The following KHDRBS2 variants were observed in gnomAD, a reference collection of about 807,000 sequenced individuals.
KHDRBS2 encodes KH RNA binding domain containing, signal transduction associated 2, also known as KH domain-containing, RNA-binding, signal transduction-associated protein 2.
Under a neutral mutation model 44.3 loss-of-function variants are expected in KHDRBS2, and 26 were observed. The observed-to-expected ratio is 0.59, with a 90% CI of 0.43 to 0.81. The LOEUF (loss-of-function observed/expected upper bound fraction) is 0.81. Among genes scored for constraint, KHDRBS2 ranks in the 40% least tolerant of loss-of-function variants. The probability of loss-of-function intolerance (pLI) is 0.00; values close to 1 mark genes in which losing one functional copy is unlikely to be tolerated. For missense variants in KHDRBS2, 476 were observed against 433.1 expected (o/e 1.10, Z -0.88); for synonymous variants, 194 against 151.1 (o/e 1.28, Z -2.08).
chr6:61,866,074 C>T (rs1192126896), intron 6 of KHDRBS2, among the ~76,000 whole-genome samples: 1 of 152,152 alleles, frequency 6.6e-6, no homozygotes, highest in African/African-American at 2.4e-5. Flanking sequence ...GATGGTGGCC[C>T]TCTTCTCACA....
chr6:62,233,770 A>G (rs1416841224), intron 1 of KHDRBS2, among the ~76,000 whole-genome samples: 3 of 152,098 alleles, frequency 2.0e-5, no homozygotes, highest in South Asian at 2.1e-4. Flanking sequence ...TTAGTTTTCT[A>G]GGCATAATGG....
chr6:62,213,639 C>T (rs180721090), intron 1 of KHDRBS2, among the ~76,000 whole-genome samples: 1 of 151,852 alleles, frequency 6.6e-6, no homozygotes, highest in East Asian at 2.0e-4. Flanking sequence ...GAATGGGAGG[C>T]TGAGACGGTC....
At position 61,680,085 on chromosome 6, in the gene KHDRBS2, TA is replaced by T. The variant is rs1433773393; in HGVS notation, c.*877del. The stretch of plus-strand genomic sequence containing the variant: ...TAACTTTTAAATTATTTAACAACCA[TA>T]AGTTATTAATACATTTTTAAGTATT... On this transcript the variant is annotated 3_prime_UTR_variant, in exon 9 of 9. Coordinates refer to ENST00000281156, the MANE Select transcript of KHDRBS2 (RefSeq NM_152688.4). The T allele has an allele frequency of 6.6e-6, 1 of 152,334 alleles. No homozygotes were observed. The highest frequency in any genetic ancestry group is 1.5e-5 in the Non-Finnish European group (1 of 67,926). The allele number at this position is 152,334 out of a possible 1,614,324, so 9.4% of individuals were successfully genotyped here.
chr6:61,958,507 C>G (rs913793536), intron 4 of KHDRBS2, among the ~76,000 whole-genome samples: 20 of 152,110 alleles, frequency 1.3e-4, no homozygotes, highest in African/African-American at 4.1e-4. Flanking sequence ...ACAAACTATT[C>G]ATTGATATAA....
At chr6:62,124,034 G>A (rs1808359996) in intron 2 of KHDRBS2, among the ~76,000 whole-genome samples, 1 of 152,018 alleles carries the variant, frequency 6.6e-6, no homozygotes, top group African/African-American at 2.4e-5. Flanking sequence ...AAACTGCTTT[G>A]GCAAAGGTTA....
intron 2 of KHDRBS2, among the ~76,000 whole-genome samples, chr6:62,094,697 T>C (rs1800199544): frequency 2.6e-5 from 4 of 151,958 alleles, no homozygotes. Context: ...TTTCAGTTCT[T>C]ATATTTAAGT....
chr6:62,056,881 G>A (rs1249174386), intron 2 of KHDRBS2, among the ~76,000 whole-genome samples: 31 of 151,888 alleles, frequency 2.0e-4, no homozygotes, highest in Admixed American at 2.0e-3. Flanking sequence ...TCTATTCTCT[G>A]CCTTGATTCT....
the KHDRBS2 span, among the ~76,000 whole-genome samples, chr6:61,543,218 C>A: frequency 1.3e-5 from 2 of 151,866 alleles, no homozygotes; most frequent in Non-Finnish European, 2.9e-5. Context: ...ATCCATCTGA[C>A]AAGGGACTAA....
At chr6:61,817,782 CT>C (rs1789218878) in intron 6 of KHDRBS2, among the ~76,000 whole-genome samples, 1 of 152,062 alleles carries the variant, frequency 6.6e-6, no homozygotes, top group South Asian at 2.1e-4. Context: ...ATAGCTTCCA[CT>C]TAATGAAGCT....
At chr6:61,643,245 T>G in the KHDRBS2 span, among the ~76,000 whole-genome samples, 2 of 152,184 alleles carry the variant, frequency 1.3e-5, no homozygotes, top group Non-Finnish European at 2.9e-5. Flanking sequence ...GGAAATTTTT[T>G]ATGATAAAAT....
At chr6:62,132,209 G>T (rs1341949627) in intron 2 of KHDRBS2, among the ~76,000 whole-genome samples, 1 of 152,122 alleles carries the variant, frequency 6.6e-6, no homozygotes, top group Non-Finnish European at 1.5e-5. Flanking sequence ...ACATGGAAGA[G>T]TATATTTAAA....
At chr6:61,931,871 C>T (rs534650690) in intron 4 of KHDRBS2, among the ~76,000 whole-genome samples, 3 of 152,250 alleles carry the variant, frequency 2.0e-5, no homozygotes, top group Admixed American at 6.5e-5. Flanking sequence ...TTTCCTCCTC[C>T]TCCTCCTCCT....
chr6:61,727,458 C>A (rs751688736), intron 7 of KHDRBS2, among the ~76,000 whole-genome samples: 36 of 152,180 alleles, frequency 2.4e-4, no homozygotes, highest in Middle Eastern at 3.4e-3. Context: ...TTCTTCTGCA[C>A]AGCAAAATAA....
At chr6:62,106,162 T>A (rs1472637900) in intron 2 of KHDRBS2, among the ~76,000 whole-genome samples, 1 of 152,186 alleles carries the variant, frequency 6.6e-6, no homozygotes, top group Non-Finnish European at 1.5e-5. Context: ...ATAATTTCTG[T>A]TCTTTTACAT....
At chr6:61,869,558 G>A (rs1798290209) in intron 6 of KHDRBS2, among the ~76,000 whole-genome samples, 2 of 152,126 alleles carry the variant, frequency 1.3e-5, no homozygotes, top group African/African-American at 4.8e-5. Context: ...AGAAAATAGA[G>A]AACAGATTGC....
intron 3 of KHDRBS2, among the ~76,000 whole-genome samples, chr6:62,046,769 G>T (rs897347956): frequency 6.6e-6 from 1 of 151,820 alleles, no homozygotes; most frequent in Non-Finnish European, 1.5e-5. Context: ...CTAGAGGCAG[G>T]AGGATTGGCA....
At chr6:61,841,501 T>A (rs1793603064) in intron 6 of KHDRBS2, among the ~76,000 whole-genome samples, 1 of 152,214 alleles carries the variant, frequency 6.6e-6, no homozygotes, top group South Asian at 2.1e-4. Flanking sequence ...TTTACAAAGA[T>A]TAAAGTTACT....
chr6:62,249,442 A>G lies in KHDRBS2; in HGVS notation c.91+36416T>C, dbSNP rs147981242. ...AATTATTGAACACTAAAGGATATTC[A>G]TCATAAATCACATATATTAATGTAC... is the stretch of plus-strand genomic sequence containing the variant. On this transcript the variant is annotated intron_variant, in intron 1 of 8. Coordinates refer to ENST00000281156, the MANE Select transcript of KHDRBS2 (RefSeq NM_152688.4). Among the ~76,000 whole-genome samples, 379 of 152,180 alleles carry G rather than the reference A, an allele frequency of 2.5e-3. 3 individuals are homozygous for G. The highest frequency in any genetic ancestry group is 8.3e-3 in the African/African-American group (347 of 41,564).
At chr6:61,593,669 A>G in the KHDRBS2 span, among the ~76,000 whole-genome samples, 9 of 151,324 alleles carry the variant, frequency 5.9e-5, no homozygotes, top group Non-Finnish European at 1.3e-4. Context: ...AGCTTTACGG[A>G]ACTTTTTCAT....
Sources: allele counts gnomAD v4.1 joint callset (sites outside exome capture counted in the v4.1 genomes callset), GRCh38; gene constraint gnomAD v4.1.1; transcripts MANE v1.5; gene names NCBI Gene and HGNC (gene_info 2026-07-23, HGNC 2026-07-21).